Variants in ZNF429 observed in about 807,000 individuals in gnomAD.
ZNF429 encodes the protein zinc finger protein 429.
ZNF429 carries 53 observed loss-of-function variants against 56.8 expected under a neutral mutation model. That is an observed-to-expected ratio of 0.93 (90% CI 0.75 to 1.17). The LOEUF (loss-of-function observed/expected upper bound fraction) is 1.17. Ranked by LOEUF, ZNF429 falls within the 50% of genes most tolerant of loss-of-function variation. ZNF429 has a pLI of 0.00. For synonymous variants in ZNF429, 278 were observed against 264.7 expected (o/e 1.05, Z -0.49); for missense variants, 849 against 788.4 (o/e 1.08, Z -0.92).
intron 2 of ZNF429, 93 bp from the exon 3 acceptor site, chr19:21,530,496 A>G: frequency 1.3e-6 from 1 of 743,988 alleles, no homozygotes; most frequent in Non-Finnish European, 2.0e-6. Context: ...ATTTACTAGA[A>G]TATTATATTA....
chr19:21,516,851 A>G (rs967505349), intron 1 of ZNF429, among the ~76,000 whole-genome samples: 4 of 152,210 alleles, frequency 2.6e-5, no homozygotes, highest in African/African-American at 7.2e-5. Flanking sequence ...CACCAAGACT[A>G]TAGGGTTTTC....
rs35991360 is a variant in ZNF429 at position 21,539,539 on chromosome 19, A to G, written c.*1461A>G. Among the ~76,000 whole-genome samples the G allele has an allele frequency of 0.17, 25,772 of 151,434 alleles. 2,290 individuals carry two copies. Among genetic ancestry groups the G allele is most frequent in the Middle Eastern group, 0.21 (61 of 292 alleles). ...TGGGTTCAAGCAGTTCTCCTGCCAC[A>G]GCCTCCTGAGTAGCTGGGAATACAG... On this transcript the variant is annotated 3_prime_UTR_variant, in exon 4 of 4. Transcript: ENST00000358491.
At chr19:21,529,873 T>A in intron 2 of ZNF429, 89 bp downstream of exon 2, 1 of 950,620 alleles carries the variant, frequency 1.1e-6, no homozygotes, top group Non-Finnish European at 1.5e-6. Flanking sequence ...ATTTATGCTT[T>A]GCATAAATGA....
intron 1 of ZNF429, among the ~76,000 whole-genome samples, chr19:21,508,137 A>G (rs1599427865): frequency 1.3e-5 from 2 of 152,102 alleles, no homozygotes. Context: ...CTGTAATCCC[A>G]GCTACTCAGG....
intron 1 of ZNF429, among the ~76,000 whole-genome samples, chr19:21,528,260 C>A (rs1568423788): frequency 6.6e-6 from 1 of 152,060 alleles, no homozygotes; most frequent in Non-Finnish European, 1.5e-5. Context: ...TCTGTGTTCT[C>A]CATTGGCTTT....
chr19:21,520,884 CATATT>C (rs2032964799), intron 1 of ZNF429, among the ~76,000 whole-genome samples: 1 of 152,180 alleles, frequency 6.6e-6, no homozygotes, highest in African/African-American at 2.4e-5. Flanking sequence ...AACCTGCACT[CATATT>C]AATAGCATTT....
chr19:21,515,258 T>A lies in ZNF429; in HGVS notation c.3+9484T>A, dbSNP rs557633520. ...GCCTGGCCTTTTTTTTTTTTTTTTT[T>A]TACTTTTTTATAGTAGCCATTCTGA... is the stretch of plus-strand genomic sequence containing the variant. On this transcript the variant is annotated intron_variant, in intron 1 of 3. Transcript: ENST00000358491. 1.9e-3 allele frequency among the ~76,000 whole-genome samples: 288 copies of A among 151,534 alleles called. 1 individual carries two copies. Among genetic ancestry groups the A allele is most frequent in the African/African-American group, 6.6e-3 (274 of 41,390 alleles).
At position 21,531,106 on chromosome 19, in the gene ZNF429, C is replaced by CAA; in HGVS notation, c.226+444_226+445dup. On this transcript the variant is annotated intron_variant, in intron 3 of 3. Transcript: ENST00000358491. ...GGGCAACAAGAGTGAAACTCCATCT[C>CAA]AAAAAAAAAAAAAAAAAAAAAAACC... Among the ~76,000 whole-genome samples, 88 of 17,056 alleles carry CAA rather than the reference C, an allele frequency of 5.2e-3. 1 individual carries two copies. The highest frequency in any genetic ancestry group is 0.011 in the African/African-American group (36 of 3,262). The allele number at this position is 17,056 out of a possible 152,430, so 11.2% of individuals were successfully genotyped here. A position where few individuals can be genotyped will look rare whatever the true frequency, so the allele number is the denominator to read the frequency against.
chr19:21,525,516 C>G (rs921470578), intron 1 of ZNF429, among the ~76,000 whole-genome samples: 4 of 152,090 alleles, frequency 2.6e-5, no homozygotes. Context: ...CACTCTGGAG[C>G]CTTGCCTCAC....
At chr19:21,505,977 C>G in intron 1 of ZNF429, 1 of 492,592 alleles carries the variant, frequency 2.0e-6, no homozygotes, top group South Asian at 2.0e-5. Flanking sequence ...CCTGTCTTCC[C>G]TCCGCAGTGA....
chr19:21,516,246 A>G (rs2032737107), intron 1 of ZNF429, among the ~76,000 whole-genome samples: 1 of 151,072 alleles, frequency 6.6e-6, no homozygotes, highest in South Asian at 2.1e-4. Context: ...CATCATCATT[A>G]TTATTATTAT....
chr19:21,535,671 C>T lies in ZNF429; in HGVS notation c.227-609C>T. 2.1e-3 allele frequency among the ~76,000 whole-genome samples: 313 copies of T among 151,534 alleles called. 1 individual carries two copies. Among genetic ancestry groups the T allele is most frequent in the African/African-American group, 7.1e-3 (293 of 41,272 alleles). On this transcript the variant is annotated intron_variant, in intron 3 of 3. Transcript: ENST00000358491. ...CTGGGATTATAGGTGCCTGCCATCA[C>T]GCCCAGCTAATTTTTTGTATTTTTA...
intron 1 of ZNF429, among the ~76,000 whole-genome samples, chr19:21,519,859 C>A (rs1251946348): frequency 2.5e-5 from 3 of 120,170 alleles, no homozygotes; most frequent in African/African-American, 9.9e-5. Flanking sequence ...TTCATGTGCA[C>A]CCATGAATTT....
intron 1 of ZNF429, among the ~76,000 whole-genome samples, chr19:21,520,280 A>C (rs534384865): frequency 3.3e-5 from 5 of 152,216 alleles, no homozygotes; most frequent in Non-Finnish European, 7.4e-5. Context: ...AGTGTCTCCT[A>C]AAATTCAGAT....
At chr19:21,534,354 A>G in intron 3 of ZNF429, among the ~76,000 whole-genome samples, 1 of 101,042 alleles carries the variant, frequency 9.9e-6, no homozygotes, top group South Asian at 3.1e-4. Context: ...CACAAAACAT[A>G]GTGTGTAATT....
rs537248165 is a variant in ZNF429 at position 21,510,337 on chromosome 19, A to C, written c.3+4563A>C. On this transcript the variant is annotated intron_variant, in intron 1 of 3. Coordinates refer to ENST00000358491, the MANE Select transcript of ZNF429 (RefSeq NM_001001415.4). ...TCAGACGGAGGGCAGCCCAAAGTCC[A>C]GGAACCTCTGGGAAGGAGATAAATT... Among the ~76,000 whole-genome samples, 241 of 152,290 alleles carry C rather than the reference A, an allele frequency of 1.6e-3. 2 individuals carry two copies. The highest frequency in any genetic ancestry group is 5.7e-3 in the African/African-American group (237 of 41,560).
In ZNF429 at chr19:21,535,364, TCTTTCTTTCTTTCTTTTTTA is replaced by T; in HGVS notation, c.227-899_227-880del. 8.0e-3 allele frequency among the ~76,000 whole-genome samples: 836 copies of T among 105,024 alleles called. 115 individuals carry two copies. Among genetic ancestry groups the T allele is most frequent in the African/African-American group, 0.029 (782 of 26,830 alleles). 68.9% of individuals were successfully genotyped at this position (105,024 alleles called of 152,430 possible). ...CTTTCCTTTCCTTTCTTTTCTTCTTTCTTTCTTTCTTTCTTTTTTACTTTCTTTCTTTCTTTCTTTCTTTT... is the reference window on the plus strand; with the variant it reads ...CTTTCCTTTCCTTTCTTTTCTTCTTTCTTTCTTTCTTTCTTTCTTTCTTTT... On this transcript the variant is annotated intron_variant, in intron 3 of 3. Coordinates refer to ENST00000358491, the MANE Select transcript of ZNF429 (RefSeq NM_001001415.4).
rs1362107773 is a variant in ZNF429 at position 21,523,941 on chromosome 19, CTCT to C, written c.4-5712_4-5710del. Among the ~76,000 whole-genome samples, 17 of 151,786 alleles carry C rather than the reference CTCT, an allele frequency of 1.1e-4. 1 individual carries two copies. Among genetic ancestry groups the C allele is most frequent in the Admixed American group, 1.1e-3 (17 of 15,234 alleles). On this transcript the variant is annotated intron_variant, in intron 1 of 3. Transcript: ENST00000358491. ...CTAGGATCTGCACATAAGGCCAGGCCTCTTCTTGGGATTTACAAGACAAGGCCA... is the reference window on the plus strand; with the variant it reads ...CTAGGATCTGCACATAAGGCCAGGCCTCTTGGGATTTACAAGACAAGGCCA...
Position 21,511,508 on chromosome 19 carries a change from C to T in ZNF429, c.3+5734C>T, listed in dbSNP as rs1473525327. Among the ~76,000 whole-genome samples the T allele has an allele frequency of 2.0e-5, 3 of 152,012 alleles. No individual in the cohort carries two copies. In the East Asian group the frequency reaches 5.8e-4, roughly 29 times the overall value. On this transcript the variant is annotated intron_variant, in intron 1 of 3. Transcript: ENST00000358491. Reference sequence around the variant, plus strand: ...GCCAGGCAGAGATGCTCCTCACTTCCTAGATGGGATGGCAGCCGGGAAGAG... The same window carrying T: ...GCCAGGCAGAGATGCTCCTCACTTCTTAGATGGGATGGCAGCCGGGAAGAG...
Sources: allele counts gnomAD v4.1 joint callset (sites outside exome capture counted in the v4.1 genomes callset), GRCh38; gene constraint gnomAD v4.1.1; transcripts MANE v1.5; gene names NCBI Gene and HGNC (gene_info 2026-07-23, HGNC 2026-07-21).